TCTN1: variants seen among roughly 807,000 people sequenced by gnomAD.
TCTN1 encodes the protein tectonic family member 1, also known as tectonic-1.
TCTN1 carries 58 observed loss-of-function variants against 65.8 expected under a neutral mutation model. That is an observed-to-expected ratio of 0.88 (90% CI 0.71 to 1.10). TCTN1 has a LOEUF of 1.10. TCTN1 is among the 50% of genes least tolerant of loss of function. TCTN1 has a pLI of 0.00. For synonymous variants in TCTN1, 273 were observed against 289.1 expected, an observed-to-expected ratio of 0.94 and a Z score of 0.57; for missense variants, 645 against 719.4, an observed-to-expected ratio of 0.90 and a Z score of 1.18.
In TCTN1 at chr12:110,647,744, T is replaced by C. The variant is rs1250840241; in HGVS notation, c.1636-5T>C. 26 of 1,614,100 alleles carry C rather than the reference T, an allele frequency of 1.6e-5. No homozygotes were observed. Among genetic ancestry groups the C allele is most frequent in the Non-Finnish European group, 2.1e-5 (25 of 1,180,052 alleles). On this transcript the variant is annotated splice_region_variant and splice_polypyrimidine_tract_variant and intron_variant, in intron 13 of 14. Coordinates refer to ENST00000397659, the MANE Select transcript of TCTN1 (RefSeq NM_001082538.3). ...GTGGGCCTTGCATCTCTCTGTTTAT[T>C]ACAGGCCAACTCAGGAAATGAAAGG...
At chr12:110,647,462 T>C in intron 13 of TCTN1, 126 bp downstream of exon 13, 1 of 1,306,888 alleles carries the variant, frequency 7.7e-7, no homozygotes, top group South Asian at 1.3e-5. Context: ...TCATAAAATA[T>C]TTCAGCAGTC....
In TCTN1 at chr12:110,636,304, T is replaced by G. The variant is rs1302533195; in HGVS notation, c.823-177T>G. The G allele has an allele frequency of 7.3e-6, 4 of 546,162 alleles. No homozygotes were observed. The African/African-American group carries it at 7.6e-5, about 10-fold the overall frequency. 33.8% of individuals were successfully genotyped at this position (546,162 alleles called of 1,614,324 possible). A position where few individuals can be genotyped will look rare whatever the true frequency, so the allele number is the denominator to read the frequency against. ...GAAAACGCAATGTGACCTCTTTGAT[T>G]AGGACATAGATTCAAACACATGCAG... On this transcript the variant is annotated intron_variant, in intron 6 of 14. Transcript: ENST00000397659.
Position 110,642,370 on chromosome 12 carries a change from C to T in TCTN1, c.1312C>T (p.Gln438Ter), listed in dbSNP as rs2067015203. 1.2e-6 allele frequency: 2 copies of T among 1,614,082 alleles called. No individual in the cohort carries two copies. The highest frequency in any genetic ancestry group is 1.1e-5 in the South Asian group (1 of 91,086). Residue 438 changes from glutamine to a stop codon, truncating the protein, a stop_gained, in exon 11 of 15, where the codon CAA becomes TAA. Transcript: ENST00000397659. LOFTEE classifies it high-confidence loss of function. The stretch of plus-strand genomic sequence containing the variant: ...CCCAGTATTATTTGGTTACACTATG[C>T]AATCTGGCTGTAAACTAAGGTAAAA... The part of the protein sequence containing the change: ...RTPVLFGYTM[Q>*]SGCKLRLTGA...
In TCTN1 at chr12:110,647,872, T is replaced by A. The variant is rs779835474; in HGVS notation, c.1759T>A (p.Phe587Ile). 1.3e-5 allele frequency: 21 copies of A among 1,613,840 alleles called. No individual in the cohort carries two copies. The highest frequency in any genetic ancestry group is 4.5e-5 in the East Asian group (2 of 44,908). The change falls in exon 14 of 15, where the codon TTC (phenylalanine) becomes ATC (isoleucine). Residue 587 changes from phenylalanine to isoleucine, a missense_variant. Physicochemically the swap from Phe to Ile is conservative, Grantham distance 21 (BLOSUM62 0). Coordinates refer to ENST00000397659, the MANE Select transcript of TCTN1 (RefSeq NM_001082538.3). ...PAINARLPFN[F>I]FFPFV Reference sequence around the variant, plus strand: ...CATCAATGCCAGGCTGCCCTTTAACTTCTTCTTCCCGTTTGTTTGACGTAA... The same window carrying A: ...CATCAATGCCAGGCTGCCCTTTAACATCTTCTTCCCGTTTGTTTGACGTAA...
intron 2 of TCTN1, among the ~76,000 whole-genome samples, chr12:110,625,037 C>T (rs765419308): frequency 1.3e-5 from 2 of 152,208 alleles, no homozygotes; most frequent in Non-Finnish European, 2.9e-5. Context: ...GATGACTCCA[C>T]ATTTTCTTAC....
rs2066833961 is a variant in TCTN1 at position 110,639,845 on chromosome 12, C to A, written c.844-538C>A. Among the ~76,000 whole-genome samples, 1 of 152,122 alleles carries A rather than the reference C, an allele frequency of 6.6e-6. No individual in the cohort carries two copies. Among genetic ancestry groups the A allele is most frequent in the Non-Finnish European group, 1.5e-5 (1 of 68,022 alleles). On this transcript the variant is annotated intron_variant, in intron 7 of 14. Coordinates refer to ENST00000397659, the MANE Select transcript of TCTN1 (RefSeq NM_001082538.3). The surrounding 1 kb of genome is among the most constrained non-coding windows in gnomAD (Gnocchi z 4.9). ...ATTCTTCCCCAGCTTTGTCCCCCAT[C>A]CCCTGGCAACCACCGATCTACTTTT...
chr12:110,632,377 GC>G, intron 4 of TCTN1, 94 bp from the exon 5 acceptor site: 1 of 1,257,482 alleles, frequency 8.0e-7, no homozygotes, highest in East Asian at 2.4e-5. Context: ...TGTCTCTGAT[GC>G]CTGCAGTGCT....
intron 1 of TCTN1, among the ~76,000 whole-genome samples, chr12:110,618,861 A>C (rs1055351342): frequency 2.6e-5 from 4 of 152,092 alleles, no homozygotes; most frequent in Admixed American, 2.6e-4. Flanking sequence ...CGGCAAAGAA[A>C]AATCATCCTT....
At chr12:110,617,345 A>ATTTTTTTTTTTTTTTTTTT (rs57738866) in intron 1 of TCTN1, among the ~76,000 whole-genome samples, 1 of 144,708 alleles carries the variant, frequency 6.9e-6, no homozygotes, top group African/African-American at 2.5e-5. Flanking sequence ...ACGGGGTACT[A>ATTTTTTTTTTTTTTTTTTT]TTTTTTTTTT....
intron 4 of TCTN1, among the ~76,000 whole-genome samples, chr12:110,631,689 T>C (rs2066247318): frequency 6.6e-6 from 1 of 152,224 alleles, no homozygotes; most frequent in African/African-American, 2.4e-5. Flanking sequence ...GTATCTGAGC[T>C]GTTCCACTCT....
intron 3 of TCTN1, among the ~76,000 whole-genome samples, chr12:110,627,420 TTC>T (rs1169457922): frequency 6.6e-6 from 1 of 152,192 alleles, no homozygotes; most frequent in African/African-American, 2.4e-5. Flanking sequence ...AAAGCAATTA[TTC>T]TGTTTTGCTA....
chr12:110,632,730 A>G (rs2066316835), intron 5 of TCTN1, 171 bp downstream of exon 5: 3 of 671,090 alleles, frequency 4.5e-6, no homozygotes, highest in Admixed American at 4.4e-5. Flanking sequence ...CCTCGTAACT[A>G]AAAACAGAAT....
Position 110,636,483 on chromosome 12 carries a change from A to G in TCTN1, c.825A>G (p.Val275=). 7.3e-7 allele frequency: 1 copy of G among 1,370,844 alleles called. No individual in the cohort carries two copies. Among genetic ancestry groups the G allele is most frequent in the South Asian group, 1.2e-5 (1 of 86,090 alleles). The allele number at this position is 1,370,844 out of a possible 1,614,324, so 84.9% of individuals were successfully genotyped here. ...AFYSSPEILR[V]PDSRKKVPIT... ...TTTTGTGGTTTCTTTTTATCTAGGT[A>G]CCTGATTCAAGAAAAAAGGTAAGAG... Residue 275 remains valine (V), a splice_region_variant and synonymous_variant, in exon 7 of 15, where the codon GTA becomes GTG. Coordinates refer to ENST00000397659, the MANE Select transcript of TCTN1 (RefSeq NM_001082538.3).
At chr12:110,647,505 C>A in intron 13 of TCTN1, 169 bp downstream of exon 13, 1 of 1,023,512 alleles carries the variant, frequency 9.8e-7, no homozygotes, top group Non-Finnish European at 1.4e-6. Flanking sequence ...GTTCTACTTA[C>A]ATTAGCATTC....
chr12:110,614,567 A>G, intron 1 of TCTN1, 165 bp downstream of exon 1: 1 of 1,381,190 alleles, frequency 7.2e-7, no homozygotes, highest in Non-Finnish European at 9.9e-7. Context: ...AACCCTGAGA[A>G]GTAGCTGTTA....
At chr12:110,636,675 G>A (rs1312343469) in intron 7 of TCTN1, among the ~76,000 whole-genome samples, 174 bp downstream of exon 7, 1 of 152,148 alleles carries the variant, frequency 6.6e-6, no homozygotes, top group African/African-American at 2.4e-5. Flanking sequence ...CTTAGTGGGA[G>A]TCACACTTCT....
chr12:110,642,436 C>T, intron 11 of TCTN1, 47 bp downstream of exon 11: 1 of 1,613,858 alleles, frequency 6.2e-7, no homozygotes, highest in African/African-American at 1.3e-5. Context: ...GATCAGAAAA[C>T]AAAGCATTCT....
At chr12:110,629,269 T>C in intron 4 of TCTN1, 1 of 346,398 alleles carries the variant, frequency 2.9e-6, no homozygotes, top group South Asian at 5.8e-5. Context: ...ACTAAAGAGC[T>C]TCTGCACAGC....
intron 3 of TCTN1, chr12:110,628,341 C>CA: frequency 4.8e-6 from 4 of 837,478 alleles, no homozygotes; most frequent in Non-Finnish European, 7.0e-6. Flanking sequence ...GAAAAATACA[C>CA]TTTTTTTTTT....
Sources: gnomAD v4.1 joint callset for allele counts (sites outside exome capture counted in the v4.1 genomes callset) on GRCh38, gnomAD v4.1.1 for gene constraint, Gnocchi (gnomAD v3.1) non-coding constraint, MANE v1.5 for transcripts, NCBI Gene and HGNC (gene_info 2026-07-23, HGNC 2026-07-21) for gene names.